SGSH: variants seen among roughly 807,000 people sequenced by gnomAD.
The protein encoded by SGSH is heparan sulfate sulfatase.
Under a neutral mutation model 51.0 loss-of-function variants are expected in SGSH, and 48 were observed. That is an observed-to-expected ratio of 0.94 (90% CI 0.75 to 1.20). The LOEUF is 1.20. SGSH is among the 50% of genes most tolerant of loss of function. The probability of loss-of-function intolerance (pLI) is 0.00; values close to 1 mark genes in which losing one functional copy is unlikely to be tolerated. For missense variants in SGSH, 662 were observed against 717.8 expected (o/e 0.92, Z 0.89); for synonymous variants, 321 against 313.4 (o/e 1.02, Z -0.26).
intron 7 of SGSH, 53 bp from the exon 8 acceptor site, chr17:80,211,064 G>A: frequency 6.3e-7 from 1 of 1,593,840 alleles, no homozygotes. Context: ...CACAGGAGCT[G>A]CCCTCGGAAG....
chr17:80,201,805 A>C (rs763051356), downstream of SGSH: 2 of 1,613,684 alleles, frequency 1.2e-6, no homozygotes, highest in Non-Finnish European at 1.7e-6. This position sits in a 1 kb window ranked among gnomAD's most constrained non-coding sequence, Gnocchi z 5.0. Flanking sequence ...ACCCTGGAGG[A>C]GGCCGTGGGG....
At chr17:80,216,052 G>A (rs1032575886) in intron 2 of SGSH, among the ~76,000 whole-genome samples, 71 of 152,280 alleles carry the variant, frequency 4.7e-4, no homozygotes, top group African/African-American at 1.7e-3. Context: ...AGGGGGGCCG[G>A]GCTCGGTGGC....
chr17:80,208,468 C>A (rs2041477973), downstream of SGSH: 2 of 919,102 alleles, frequency 2.2e-6, no homozygotes, highest in Non-Finnish European at 3.2e-6. Context: ...CGGCTCTCCC[C>A]ACTGGCTGGG....
At chr17:80,211,315 A>T in intron 7 of SGSH, 1 of 569,262 alleles carries the variant, frequency 1.8e-6, no homozygotes. Flanking sequence ...GTGTGGCCAC[A>T]GTGCTCCTGG....
Position 80,210,771 on chromosome 17 carries a change from G to C in SGSH, c.1190C>G (p.Pro397Arg). Residue 397 changes from proline to arginine, a missense_variant, in exon 8 of 8, where the codon CCC becomes CGC. Coordinates refer to ENST00000326317, the MANE Select transcript of SGSH (RefSeq NM_000199.5). ...VHNLNFKMPF[P>R]IDQDFYVSPT... Reference sequence around the variant, plus strand: ...TGAGACGTAGAAGTCCTGGTCGATGGGAAAGGGCATCTTGAAGTTGAGGTT... The same window carrying C: ...TGAGACGTAGAAGTCCTGGTCGATGCGAAAGGGCATCTTGAAGTTGAGGTT... 6.2e-7 allele frequency: 1 copy of C among 1,614,066 alleles called. No homozygotes were observed. Among genetic ancestry groups the C allele is most frequent in the Non-Finnish European group, 8.5e-7 (1 of 1,180,040 alleles).
At chr17:80,205,855 A>C, downstream of SGSH, 1 of 492,144 alleles carries the variant, frequency 2.0e-6, no homozygotes. Flanking sequence ...GAGGTCTCCC[A>C]ACTCCTTGAA....
At chr17:80,206,508 C>G (rs2041319271), downstream of SGSH, among the ~76,000 whole-genome samples, 1 of 151,856 alleles carries the variant, frequency 6.6e-6, no homozygotes, top group South Asian at 2.1e-4. Flanking sequence ...GCTCACGCCT[C>G]TAATCCCAGC....
chr17:80,218,547 G>C (rs1190218854), intron 1 of SGSH, among the ~76,000 whole-genome samples: 1 of 152,192 alleles, frequency 6.6e-6, no homozygotes, highest in Non-Finnish European at 1.5e-5. Flanking sequence ...GAGGAGGCTG[G>C]GCACCTTCCA....
chr17:80,207,011 C>T (rs773673818), downstream of SGSH: 3 of 1,613,932 alleles, frequency 1.9e-6, no homozygotes, highest in South Asian at 3.3e-5. Context: ...ACAGTGTCTG[C>T]ACCCTGCACA....
At chr17:80,205,570 G>C (rs2041254628), downstream of SGSH, 1 of 1,581,584 alleles carries the variant, frequency 6.3e-7, no homozygotes, top group Non-Finnish European at 8.6e-7. Flanking sequence ...TGGAGCCAGA[G>C]AGGGGACATC....
intron 2 of SGSH, among the ~76,000 whole-genome samples, chr17:80,216,501 A>G (rs541503036): frequency 6.6e-6 from 1 of 152,230 alleles, no homozygotes; most frequent in Admixed American, 6.5e-5. Flanking sequence ...TGATGGCTGC[A>G]TAACACTGTG....
At chr17:80,205,275 C>T, downstream of SGSH, 2 of 1,293,538 alleles carry the variant, frequency 1.5e-6, no homozygotes, top group East Asian at 4.8e-5. Context: ...TTCCTCCCTC[C>T]TTCCTCCCCT....
At chr17:80,220,023 C>T (rs1014376277) in intron 1 of SGSH, 5 of 496,478 alleles carry the variant, frequency 1.0e-5, no homozygotes, top group Non-Finnish European at 1.8e-5. Context: ...GGGGCTCACT[C>T]CTCCAGCCTT....
downstream of SGSH, chr17:80,204,705 G>A (rs2041184357): frequency 5.0e-6 from 2 of 396,504 alleles, no homozygotes; most frequent in Admixed American, 8.1e-5. Context: ...TGGCTGAGGA[G>A]AAGGGTGCCA....
rs979896080 is a variant in SGSH, at chr17:80,214,667, T to C, written c.454A>G (p.Ile152Val). 6.2e-7 allele frequency: 1 copy of C among 1,613,408 alleles called. No homozygotes were observed. The highest frequency in any genetic ancestry group is 1.3e-5 in the African/African-American group (1 of 74,924). ...NGSVLQVGRN[I>V]TRIKLLVRKF... Reference sequence around the variant, plus strand: ...CGGACGAGCAGCTTAATTCTAGTGATGTTCCGCCCCACCTGGAGGACGGAG... The same window carrying C: ...CGGACGAGCAGCTTAATTCTAGTGACGTTCCGCCCCACCTGGAGGACGGAG... Residue 152 changes from isoleucine to valine, a missense_variant, in exon 4 of 8, where the codon ATC becomes GTC. Transcript: ENST00000326317.
Position 80,210,148 on chromosome 17 carries a change from C to T in SGSH, c.*304G>A, listed in dbSNP as rs546639018. On this transcript the variant is annotated 3_prime_UTR_variant, in exon 8 of 8. Transcript: ENST00000326317. ...CATGGGCTGGGGGCGCTGCCCTGTC[C>T]GCAGACCACGTATGTCTAGAATTCC... The T allele has an allele frequency of 1.4e-5, 18 of 1,303,078 alleles. No individual in the cohort carries two copies. The South Asian group carries it at 1.5e-4, about 11-fold the overall frequency. The allele number at this position is 1,303,078 out of a possible 1,614,324, so 80.7% of individuals were successfully genotyped here.
chr17:80,201,825 A>G (rs1301128400), downstream of SGSH: 2 of 1,613,990 alleles, frequency 1.2e-6, no homozygotes, highest in Admixed American at 1.7e-5. The surrounding 1 kb of genome is among the most constrained non-coding windows in gnomAD (Gnocchi z 5.0). Context: ...GCTTCTCAGG[A>G]GGGTGGACGG....
Position 80,209,356 on chromosome 17 carries a change from C to T in SGSH, c.*1096G>A, listed in dbSNP as rs1177939001. 1.3e-5 allele frequency: 13 copies of T among 985,296 alleles called. 1 individual carries two copies. The South Asian group carries it at 5.2e-4, about 39-fold the overall frequency. 61.0% of individuals were successfully genotyped at this position (985,296 alleles called of 1,614,324 possible). On this transcript the variant is annotated 3_prime_UTR_variant, in exon 8 of 8. Coordinates refer to ENST00000326317, the MANE Select transcript of SGSH (RefSeq NM_000199.5). ...AGCTGGCCTGTGGCCTCCTCCAGCC[C>T]ACCCCAGTATGGAGTGATAGGGAGG...
chr17:80,212,354 T>C lies in SGSH; in HGVS notation c.746-80A>G, dbSNP rs2041703614. 1.0e-5 allele frequency: 13 copies of C among 1,255,558 alleles called. No individual in the cohort carries two copies. 77.8% of individuals were successfully genotyped at this position (1,255,558 alleles called of 1,614,324 possible). ...GGGTGGTGTGTGTAGACCCACCTGC[T>C]GCTGCATCCGGCCGCTGGGCTCCAG... On this transcript the variant is annotated intron_variant, in intron 6 of 7. Transcript: ENST00000326317. This position sits in a 1 kb window ranked among gnomAD's most constrained non-coding sequence, Gnocchi z 5.9.
Sources: gnomAD v4.1 joint callset for allele counts (sites outside exome capture counted in the v4.1 genomes callset) on GRCh38, gnomAD v4.1.1 for gene constraint, Gnocchi (gnomAD v3.1) non-coding constraint, MANE v1.5 for transcripts, NCBI Gene and HGNC (gene_info 2026-07-23, HGNC 2026-07-21) for gene names.